ITPR1: variants seen among roughly 807,000 people sequenced by gnomAD.
ITPR1 encodes inositol 1,4,5-trisphosphate receptor type 1.
In ITPR1, 96 loss-of-function variants were observed where a neutral mutation model predicts 318.4. That is an observed-to-expected ratio of 0.30 (90% CI 0.26 to 0.36). The LOEUF (loss-of-function observed/expected upper bound fraction) is 0.36. Among genes scored for constraint, ITPR1 ranks in the 10% least tolerant of loss-of-function variants. The pLI, the probability that ITPR1 is intolerant of heterozygous loss-of-function variation, is 1.00. For synonymous variants in ITPR1, 1,312 were observed against 1,289.9 expected, an observed-to-expected ratio of 1.02 and a Z score of -0.37; for missense variants, 2,440 against 3,460.2, an observed-to-expected ratio of 0.71 and a Z score of 7.40.
In ITPR1 at chr3:4,725,447, C is replaced by A. The variant is rs994496055; in HGVS notation, c.5137-99C>A. On this transcript the variant is annotated intron_variant, in intron 40 of 61. Coordinates refer to ENST00000649015, the MANE Select transcript of ITPR1 (RefSeq NM_001378452.1). ...CAGGGTTGCCTCATCTCTGATCCTT[C>A]CTCCTGTGTTTTGTCCTTGAGTGTT... 6.1e-6 allele frequency: 6 copies of A among 986,244 alleles called. No homozygotes were observed. In the African/African-American group the frequency reaches 7.9e-5, roughly 13 times the overall value. The allele number at this position is 986,244 out of a possible 1,614,324, so 61.1% of individuals were successfully genotyped here.
chr3:4,768,776 G>T lies in ITPR1; in HGVS notation c.5979+12G>T. On this transcript the variant is annotated intron_variant, in intron 46 of 61. Coordinates refer to ENST00000649015, the MANE Select transcript of ITPR1 (RefSeq NM_001378452.1). ...ACCGAGACCTGCAGGTGAGGGCCTGGGGGTGGGGGCGTGGAGGGAGCTCGG... is the reference window on the plus strand; with the variant it reads ...ACCGAGACCTGCAGGTGAGGGCCTGTGGGTGGGGGCGTGGAGGGAGCTCGG... 1.2e-6 allele frequency: 2 copies of T among 1,603,546 alleles called. No homozygotes were observed. The highest frequency in any genetic ancestry group is 1.7e-6 in the Non-Finnish European group (2 of 1,171,982).
At chr3:4,648,354 T>A (rs1255616331) in intron 10 of ITPR1, among the ~76,000 whole-genome samples, 1 of 152,234 alleles carries the variant, frequency 6.6e-6, no homozygotes, top group African/African-American at 2.4e-5. Flanking sequence ...GATTATAAAC[T>A]CCTTGAGAGA....
At chr3:4,593,725 A>G (rs146945450) in intron 4 of ITPR1, among the ~76,000 whole-genome samples, 2 of 152,238 alleles carry the variant, frequency 1.3e-5, no homozygotes, top group African/African-American at 2.4e-5. Context: ...TGATCAGATA[A>G]ATGCTAAACA....
At chr3:4,735,778 A>G (rs142062044) in intron 44 of ITPR1, among the ~76,000 whole-genome samples, 29 of 152,364 alleles carry the variant, frequency 1.9e-4, no homozygotes, top group African/African-American at 5.8e-4. Context: ...TTATGTATCT[A>G]TAGATACCAC....
At chr3:4,763,335 G>C (rs1367230051) in intron 44 of ITPR1, among the ~76,000 whole-genome samples, 2 of 152,112 alleles carry the variant, frequency 1.3e-5, no homozygotes, top group Non-Finnish European at 2.9e-5. Flanking sequence ...TGCACGTCCT[G>C]CATAGGTACC....
intron 4 of ITPR1, among the ~76,000 whole-genome samples, chr3:4,580,604 G>C (rs1026080978): frequency 5.9e-5 from 9 of 151,426 alleles, no homozygotes; most frequent in Non-Finnish European, 1.0e-4. Flanking sequence ...CACTGGTAAA[G>C]CGTGTCAAGG....
chr3:4,830,812 G>T (rs542056075), intron 60 of ITPR1: 13 of 393,902 alleles, frequency 3.3e-5, no homozygotes, highest in Non-Finnish European at 6.0e-5. Flanking sequence ...CATTTTTCTA[G>T]GACCCATCTT....
intron 61 of ITPR1, among the ~76,000 whole-genome samples, chr3:4,841,089 T>C (rs913407088): frequency 2.6e-5 from 4 of 152,180 alleles, no homozygotes; most frequent in African/African-American, 9.7e-5. Context: ...AAATGGAATA[T>C]TAAACGACCC....
At chr3:4,835,143 A>G (rs1361657505) in intron 60 of ITPR1, among the ~76,000 whole-genome samples, 2 of 151,408 alleles carry the variant, frequency 1.3e-5, no homozygotes, top group Non-Finnish European at 2.9e-5. Flanking sequence ...TCTTAAGCAA[A>G]CACTCTATGA....
chr3:4,699,269 A>G (rs1018924910), intron 34 of ITPR1, among the ~76,000 whole-genome samples: 1 of 152,074 alleles, frequency 6.6e-6, no homozygotes, highest in African/African-American at 2.4e-5. Context: ...AGGCACGAGA[A>G]TCACTTGAAC....
intron 46 of ITPR1, 140 bp downstream of exon 46, chr3:4,768,904 C>CTT: frequency 1.4e-6 from 1 of 700,840 alleles, no homozygotes; most frequent in Non-Finnish European, 2.3e-6. Flanking sequence ...TTTCCTTTTT[C>CTT]TTTTTTCTTT....
chr3:4,814,598 G>A (rs760237150), intron 58 of ITPR1, 36 bp downstream of exon 58: 15 of 1,266,170 alleles, frequency 1.2e-5, no homozygotes, highest in Non-Finnish European at 1.3e-5. Context: ...GGGCAAAGGG[G>A]GCGGGTGGGG....
chr3:4,756,232 T>C (rs1235106610), intron 44 of ITPR1, among the ~76,000 whole-genome samples: 1 of 152,194 alleles, frequency 6.6e-6, no homozygotes, highest in East Asian at 1.9e-4. Flanking sequence ...TGCCTTTGGG[T>C]GTATTAAACT....
Position 4,699,826 on chromosome 3 carries a change from C to T in ITPR1, c.4421C>T (p.Thr1474Ile), listed in dbSNP as rs188558398. ...LVDICRACNN[T>I]SDRKHADSIL... ...CTTGTCTTCCAGGCCTGTAACAACA[C>T]TAGTGACAGGAAACATGCAGACTCG... is the stretch of plus-strand genomic sequence containing the variant. The change falls in exon 35 of 62, where the codon ACT becomes ATT. Residue 1474 changes from threonine (T) to isoleucine (I), a missense_variant. By Grantham distance (89) the Thr-to-Ile change is moderately conservative (BLOSUM62 -1). Coordinates refer to ENST00000649015, the MANE Select transcript of ITPR1 (RefSeq NM_001378452.1). The T allele has an allele frequency of 7.2e-4, 1,158 of 1,613,808 alleles. No individual in the cohort carries two copies. Among genetic ancestry groups the T allele is most frequent in the Non-Finnish European group, 9.2e-4 (1,091 of 1,179,758 alleles).
At chr3:4,683,253 A>G in intron 26 of ITPR1, 133 bp from the exon 27 acceptor site, 1 of 824,912 alleles carries the variant, frequency 1.2e-6, no homozygotes, top group Non-Finnish European at 2.1e-6. Context: ...AAAGGAGCTA[A>G]TGAAAAGTGA....
At chr3:4,752,754 C>T (rs1164732247) in intron 44 of ITPR1, among the ~76,000 whole-genome samples, 2 of 152,174 alleles carry the variant, frequency 1.3e-5, no homozygotes, top group Non-Finnish European at 1.5e-5. Flanking sequence ...CTGTCTCAGC[C>T]TCCGGAGTAG....
At chr3:4,540,370 C>A (rs906030744) in intron 4 of ITPR1, among the ~76,000 whole-genome samples, 4 of 152,092 alleles carry the variant, frequency 2.6e-5, no homozygotes, top group African/African-American at 9.7e-5. Context: ...AATTCTCTGT[C>A]ATTATATTTT....
At chr3:4,523,159 G>C (rs554925866) in intron 4 of ITPR1, among the ~76,000 whole-genome samples, 2 of 152,160 alleles carry the variant, frequency 1.3e-5, no homozygotes, top group Non-Finnish European at 2.9e-5. Flanking sequence ...ATATGCGTCC[G>C]GAAGGCATTG....
At chr3:4,775,506 A>T (rs2046428360) in intron 47 of ITPR1, 64 bp downstream of exon 47, 4 of 1,265,470 alleles carry the variant, frequency 3.2e-6, no homozygotes, top group East Asian at 4.6e-5. Context: ...GTTGATAGAG[A>T]CTAGTTCAGA....
Sources: allele counts gnomAD v4.1 joint callset (sites outside exome capture counted in the v4.1 genomes callset), GRCh38; gene constraint gnomAD v4.1.1; transcripts MANE v1.5; gene names NCBI Gene and HGNC (gene_info 2026-07-23, HGNC 2026-07-21).